UVRAG: variants seen among roughly 807,000 people sequenced by gnomAD.
UVRAG encodes UV radiation resistance associated, also known as UV radiation resistance-associated gene protein.
Under a neutral mutation model 78.0 loss-of-function variants are expected in UVRAG, and 19 were observed. The observed-to-expected ratio is 0.24, with a 90% CI of 0.17 to 0.36. The LOEUF (loss-of-function observed/expected upper bound fraction) is 0.36, where lower values mean the gene tolerates loss of function less well. Ranked by LOEUF, UVRAG falls within the 10% of genes least tolerant of loss-of-function variation. The pLI is 1.00. For synonymous variants in UVRAG, 323 were observed against 324.6 expected, an observed-to-expected ratio of 1.00 and a Z score of 0.05; for missense variants, 740 against 853.8, an observed-to-expected ratio of 0.87 and a Z score of 1.66.
At chr11:76,071,343 TC>T (rs914069926) in intron 13 of UVRAG, among the ~76,000 whole-genome samples, 2 of 152,042 alleles carry the variant, frequency 1.3e-5, no homozygotes, top group African/African-American at 4.8e-5. Context: ...AAGGGCAAAG[TC>T]CCTGAGGTAG....
In UVRAG at chr11:75,866,921, T is replaced by C. The variant is rs564556022; in HGVS notation, c.270+5141T>C. Among the ~76,000 whole-genome samples the C allele has an allele frequency of 3.3e-5, 5 of 152,336 alleles. No homozygotes were observed. The South Asian group carries it at 1.0e-3, about 32-fold the overall frequency. On this transcript the variant is annotated intron_variant, in intron 3 of 14. Coordinates refer to ENST00000356136, the MANE Select transcript of UVRAG (RefSeq NM_003369.4). ...ATAGTCTTATGAGTTGTGATTCAAT[T>C]TTACTAACCTGTTGTTACTTTGGAG...
intron 6 of UVRAG, among the ~76,000 whole-genome samples, chr11:75,942,594 G>A (rs527277620): frequency 8.5e-5 from 13 of 152,094 alleles, no homozygotes; most frequent in Admixed American, 1.3e-4. Context: ...TTCAAATGCC[G>A]TTCTGATGAA....
intron 7 of UVRAG, among the ~76,000 whole-genome samples, chr11:75,972,395 C>T (rs1390912798): frequency 4.6e-5 from 7 of 152,056 alleles, no homozygotes; most frequent in African/African-American, 9.7e-5. Flanking sequence ...TTTTTATGAA[C>T]GGTATAAGAC....
At chr11:75,994,918 G>A (rs1160111565) in intron 8 of UVRAG, among the ~76,000 whole-genome samples, 1 of 152,116 alleles carries the variant, frequency 6.6e-6, no homozygotes, top group East Asian at 1.9e-4. Context: ...GCTTTGATTT[G>A]GGTCTGCCAT....
intron 2 of UVRAG, among the ~76,000 whole-genome samples, chr11:75,856,365 G>C (rs1162242859): frequency 6.6e-6 from 1 of 152,078 alleles, no homozygotes; most frequent in African/African-American, 2.4e-5. Context: ...CCCTCTCCTG[G>C]AATACCGACT....
intron 1 of UVRAG, among the ~76,000 whole-genome samples, chr11:75,835,005 T>C (rs975581091): frequency 6.6e-6 from 1 of 152,078 alleles, no homozygotes; most frequent in Non-Finnish European, 1.5e-5. Flanking sequence ...AAAAAGAATA[T>C]GTAATTATTG....
chr11:76,050,907 C>A (rs1950852740), intron 12 of UVRAG, among the ~76,000 whole-genome samples: 1 of 151,998 alleles, frequency 6.6e-6, no homozygotes, highest in Admixed American at 6.6e-5. Context: ...AAGTTCTGTC[C>A]CTCTGACTTC....
At chr11:76,052,751 C>T (rs1315376407) in intron 12 of UVRAG, among the ~76,000 whole-genome samples, 3 of 152,056 alleles carry the variant, frequency 2.0e-5, no homozygotes, top group Non-Finnish European at 4.4e-5. Context: ...GGCTCCTTCT[C>T]CCCATCCTTC....
chr11:75,938,884 C>T (rs568103228), intron 6 of UVRAG, among the ~76,000 whole-genome samples: 2 of 152,206 alleles, frequency 1.3e-5, no homozygotes, highest in African/African-American at 4.8e-5. Context: ...TCATGGCTTC[C>T]CTGGACTCCT....
intron 4 of UVRAG, among the ~76,000 whole-genome samples, chr11:75,885,169 T>C (rs1354016152): frequency 6.6e-6 from 1 of 152,110 alleles, no homozygotes; most frequent in Non-Finnish European, 1.5e-5. Context: ...TAGAAATATA[T>C]ATCTCTGTAC....
At chr11:75,853,067 C>G (rs1245835174) in intron 2 of UVRAG, among the ~76,000 whole-genome samples, 1 of 152,032 alleles carries the variant, frequency 6.6e-6, no homozygotes, top group Non-Finnish European at 1.5e-5. Flanking sequence ...TGAGACGCCA[C>G]TCCAGGCTAA....
chr11:75,920,007 G>GGTTTTTTGGTTTTTT (rs1947940448), intron 6 of UVRAG, among the ~76,000 whole-genome samples: 1 of 72,730 alleles, frequency 1.4e-5, no homozygotes, highest in African/African-American at 4.6e-5. Context: ...AAATAATTTT[G>GGTTTTTTGGTTTTTT]GTTTTTTTTT....
At chr11:75,867,923 A>T (rs144894355) in intron 3 of UVRAG, among the ~76,000 whole-genome samples, 14 of 152,334 alleles carry the variant, frequency 9.2e-5, no homozygotes, top group African/African-American at 2.6e-4. Flanking sequence ...AAACACGGCT[A>T]CTTTTAAGGG....
At chr11:75,820,269 C>A (rs528983459) in intron 1 of UVRAG, among the ~76,000 whole-genome samples, 1 of 152,116 alleles carries the variant, frequency 6.6e-6, no homozygotes, top group Non-Finnish European at 1.5e-5. Context: ...TAAGCCACTA[C>A]GCCCAGCCAG....
intron 13 of UVRAG, among the ~76,000 whole-genome samples, chr11:76,113,177 G>A (rs1247069618): frequency 1.3e-5 from 2 of 152,166 alleles, no homozygotes; most frequent in South Asian, 2.1e-4. Flanking sequence ...GTTTATGTAG[G>A]TATAGTGAGG....
intron 1 of UVRAG, among the ~76,000 whole-genome samples, chr11:75,818,017 G>A (rs1464293152): frequency 2.0e-5 from 3 of 151,870 alleles, no homozygotes; most frequent in South Asian, 2.1e-4. Flanking sequence ...CCGAGATTGC[G>A]CCACTGCACT....
intron 12 of UVRAG, among the ~76,000 whole-genome samples, chr11:76,061,134 A>G (rs1038315265): frequency 6.6e-6 from 1 of 152,102 alleles, no homozygotes; most frequent in Non-Finnish European, 1.5e-5. Flanking sequence ...ACCAATCAGC[A>G]CCCTGTGTCT....
intron 1 of UVRAG, among the ~76,000 whole-genome samples, chr11:75,828,796 TA>T (rs1464280911): frequency 1.6e-3 from 156 of 98,018 alleles, no homozygotes; most frequent in East Asian, 3.3e-3. Context: ...TATATATATA[TA>T]TATATATATT....
intron 1 of UVRAG, among the ~76,000 whole-genome samples, chr11:75,827,764 T>TA (rs1359529254): frequency 6.6e-6 from 1 of 152,226 alleles, no homozygotes; most frequent in African/African-American, 2.4e-5. Flanking sequence ...CCAGCCTACT[T>TA]ACATCTTTCA....
Sources: gnomAD v4.1 joint callset for allele counts (sites outside exome capture counted in the v4.1 genomes callset) on GRCh38, gnomAD v4.1.1 for gene constraint, MANE v1.5 for transcripts, NCBI Gene and HGNC (gene_info 2026-07-23, HGNC 2026-07-21) for gene names.